Variants in TEX26 observed in about 807,000 individuals in gnomAD.
The protein encoded by TEX26 is testis expressed 26, also known as testis-expressed protein 26.
A neutral mutation model predicts 35.3 loss-of-function variants in TEX26; 34 were observed. The observed-to-expected ratio is 0.96, with a 90% CI of 0.73 to 1.28. The LOEUF (loss-of-function observed/expected upper bound fraction) is 1.28. Among genes scored for constraint, TEX26 ranks in the 50% most tolerant of loss-of-function variants. The probability of loss-of-function intolerance (pLI) is 0.00; values close to 1 mark genes in which losing one functional copy is unlikely to be tolerated. For synonymous variants in TEX26, 136 were observed against 111.8 expected (o/e 1.22, Z -1.36); for missense variants, 371 against 330.1 (o/e 1.12, Z -0.96).
chr13:30,965,496 A>G (rs765529048), intron 4 of TEX26, among the ~76,000 whole-genome samples: 1 of 152,238 alleles, frequency 6.6e-6, no homozygotes, highest in Non-Finnish European at 1.5e-5. Context: ...ATGGTGTTAC[A>G]TGATATGCCT....
intron 5 of TEX26, 26 bp downstream of exon 5, chr13:30,966,424 CT>C: frequency 9.6e-7 from 1 of 1,044,116 alleles, no homozygotes; most frequent in Non-Finnish European, 1.3e-6. Flanking sequence ...GTTTCTTTTT[CT>C]TTTTCTCTTT....
At chr13:30,969,136 T>A in intron 6 of TEX26, 90 bp downstream of exon 6, 1 of 1,165,702 alleles carries the variant, frequency 8.6e-7, no homozygotes, top group South Asian at 2.2e-5. Flanking sequence ...CCACTGGAGT[T>A]GAATGCCCAC....
chr13:30,974,119 T>TAAA (rs747590592), intron 6 of TEX26, among the ~76,000 whole-genome samples: 1,037 of 74,300 alleles, frequency 0.014, 42 homozygotes, highest in East Asian at 0.1. Context: ...AGCCTCCATC[T>TAAA]AAAAAAAAAA....
rs199670260 is a variant in TEX26, at chr13:30,956,947, G to C, written c.387G>C (p.Pro129=). ...AGAACTGCCTCCCTTGGAAAATCCC[G>C]GCTTCAATGAAAGAAGTTAACAAGG... The part of the protein sequence containing the change: ...TLKNCLPWKI[P]ASMKEVNKAL... Residue 129 remains proline, a synonymous_variant, in exon 4 of 7, where the codon CCG becomes CCC. Coordinates refer to ENST00000380473, the MANE Select transcript of TEX26 (RefSeq NM_152325.3). The C allele has an allele frequency of 6.2e-7, 1 of 1,614,126 alleles. No homozygotes were observed. Among genetic ancestry groups the C allele is most frequent in the East Asian group, 2.2e-5 (1 of 44,882 alleles).
chr13:30,974,135 T>TATATATATATATATATATATATATAA (rs1954807491), intron 6 of TEX26, among the ~76,000 whole-genome samples: 1 of 80,960 alleles, frequency 1.2e-5, no homozygotes, highest in Non-Finnish European at 2.4e-5. Context: ...AAAAAAAATA[T>TATATATATATATATATATATATATAA]ATATATATAT....
At chr13:30,951,895 T>G (rs1182973225) in intron 2 of TEX26, among the ~76,000 whole-genome samples, 3 of 151,746 alleles carry the variant, frequency 2.0e-5, no homozygotes, top group African/African-American at 7.3e-5. Context: ...TTTCATTTGG[T>G]TATTGTCTCT....
intron 3 of TEX26, among the ~76,000 whole-genome samples, chr13:30,953,858 C>G (rs889165444): frequency 6.6e-6 from 1 of 152,136 alleles, no homozygotes; most frequent in African/African-American, 2.4e-5. Context: ...ATGGGACAAC[C>G]TGGGATGGAG....
intron 6 of TEX26, among the ~76,000 whole-genome samples, chr13:30,970,871 A>C (rs557362201): frequency 9.2e-5 from 14 of 152,206 alleles, no homozygotes; most frequent in Non-Finnish European, 1.8e-4. Context: ...TCAGGTAAAC[A>C]CTCTGTCCAC....
intron 3 of TEX26, among the ~76,000 whole-genome samples, chr13:30,953,924 C>G (rs550826390): frequency 6.6e-6 from 1 of 152,244 alleles, no homozygotes; most frequent in Admixed American, 6.5e-5. Flanking sequence ...GATTTGATGA[C>G]TAAAAGGATG....
At chr13:30,941,519 C>T (rs150092588) in intron 2 of TEX26, among the ~76,000 whole-genome samples, 3 of 152,042 alleles carry the variant, frequency 2.0e-5, no homozygotes, top group African/African-American at 7.2e-5. Flanking sequence ...ATAGCTTTTG[C>T]GGTACAGGTG....
At chr13:30,973,998 G>GT (rs1415955397) in intron 6 of TEX26, among the ~76,000 whole-genome samples, 1 of 151,348 alleles carries the variant, frequency 6.6e-6, no homozygotes, top group African/African-American at 2.4e-5. Context: ...GTTCATGCCT[G>GT]TAATCCCAGC....
intron 4 of TEX26, among the ~76,000 whole-genome samples, chr13:30,961,864 T>C (rs141809277): frequency 1.4e-3 from 214 of 152,372 alleles, no homozygotes; most frequent in African/African-American, 3.8e-3. Context: ...CCTACTTTTT[T>C]GACTCCTTCT....
chr13:30,961,227 C>G (rs1954329442), intron 4 of TEX26, among the ~76,000 whole-genome samples: 1 of 152,160 alleles, frequency 6.6e-6, no homozygotes, highest in Non-Finnish European at 1.5e-5. Flanking sequence ...GTCCCTCAGT[C>G]CAGAGCTTCT....
At chr13:30,953,264 A>G (rs953340182) in intron 3 of TEX26, among the ~76,000 whole-genome samples, 6 of 152,288 alleles carry the variant, frequency 3.9e-5, no homozygotes, top group Non-Finnish European at 4.4e-5. Flanking sequence ...GATATTTTAC[A>G]TGTGGAATCA....
chr13:30,949,985 T>C (rs958398316), intron 2 of TEX26, among the ~76,000 whole-genome samples: 4 of 152,218 alleles, frequency 2.6e-5, no homozygotes, highest in Non-Finnish European at 5.9e-5. Flanking sequence ...TTGGAGTAAA[T>C]ATTTTGTAAA....
At chr13:30,966,655 T>C (rs1190731260) in intron 5 of TEX26, among the ~76,000 whole-genome samples, 1 of 152,106 alleles carries the variant, frequency 6.6e-6, no homozygotes, top group Non-Finnish European at 1.5e-5. Flanking sequence ...GCCAGGCTGG[T>C]CTCAAACTCC....
chr13:30,936,233 C>T (rs1953267823), intron 1 of TEX26, among the ~76,000 whole-genome samples: 1 of 152,038 alleles, frequency 6.6e-6, no homozygotes, highest in Non-Finnish European at 1.5e-5. Flanking sequence ...ATACATGTTA[C>T]TACTTTATAA....
intron 3 of TEX26, 140 bp downstream of exon 3, chr13:30,952,965 G>C (rs1953987271): frequency 1.4e-6 from 1 of 734,030 alleles, no homozygotes; most frequent in African/African-American, 1.9e-5. Context: ...ACTATTTCCT[G>C]TCTACCTTCT....
chr13:30,971,931 G>A (rs963321512), intron 6 of TEX26, among the ~76,000 whole-genome samples: 1 of 152,208 alleles, frequency 6.6e-6, no homozygotes, highest in African/African-American at 2.4e-5. Context: ...AAATGGCCAT[G>A]TAAAAGGCAT....
Sources: gnomAD v4.1 joint callset for allele counts (sites outside exome capture counted in the v4.1 genomes callset) on GRCh38, gnomAD v4.1.1 for gene constraint, MANE v1.5 for transcripts, NCBI Gene and HGNC (gene_info 2026-07-23, HGNC 2026-07-21) for gene names.